Variants in LARGE1 observed in about 807,000 individuals in gnomAD.
LARGE1 encodes the protein LARGE xylosyl- and glucuronyltransferase 1, also known as xylosyl- and glucuronyltransferase LARGE1.
A neutral mutation model predicts 87.6 loss-of-function variants in LARGE1; 43 were observed. That is an observed-to-expected ratio of 0.49 (90% CI 0.38 to 0.63). LARGE1 has a LOEUF of 0.63. Ranked by LOEUF, LARGE1 falls within the 30% of genes least tolerant of loss-of-function variation. The pLI, the probability that LARGE1 is intolerant of heterozygous loss-of-function variation, is 0.00. For missense variants in LARGE1, 802 were observed against 1,000.2 expected, an observed-to-expected ratio of 0.80 and a Z score of 2.67; for synonymous variants, 434 against 394.6, an observed-to-expected ratio of 1.10 and a Z score of -1.18.
In LARGE1 at chr22:33,616,160, T is replaced by G. The variant is rs564208642; in HGVS notation, c.491+10084A>C. 2.0e-5 allele frequency among the ~76,000 whole-genome samples: 3 copies of G among 152,176 alleles called. No individual in the cohort carries two copies. The East Asian group carries it at 5.8e-4, about 29-fold the overall frequency. Reference sequence around the variant, plus strand: ...ATATCTATAAAAATATGAAAACAGATGTCAACACAAAAGCTTATACAGAAC... The same window carrying G: ...ATATCTATAAAAATATGAAAACAGAGGTCAACACAAAAGCTTATACAGAAC... On this transcript the variant is annotated intron_variant, in intron 4 of 14. Coordinates refer to ENST00000397394, the MANE Select transcript of LARGE1 (RefSeq NM_133642.5).
Position 33,761,422 on chromosome 22 carries a change from G to T in LARGE1, c.55C>A (p.Leu19Ile). Residue 19 changes from leucine (L) to isoleucine (I), a missense_variant, in exon 2 of 15, where the codon CTC (leucine) becomes ATC (isoleucine). Transcript: ENST00000397394. The part of the protein sequence containing the change: ...RKFLAASLSL[L>I]CIPAITWIYL... ...ATCCAGGTGATGGCTGGGATGCAGA[G>T]AAGACTCAACGAGGCAGCCAAGAAT... is the stretch of plus-strand genomic sequence containing the variant. 6.2e-7 allele frequency: 1 copy of T among 1,614,040 alleles called. No homozygotes were observed. The highest frequency in any genetic ancestry group is 1.3e-5 in the African/African-American group (1 of 74,986).
At chr22:33,470,184 C>T (rs1190381617) in intron 6 of LARGE1, among the ~76,000 whole-genome samples, 1 of 152,128 alleles carries the variant, frequency 6.6e-6, no homozygotes, top group Non-Finnish European at 1.5e-5. Flanking sequence ...GCCACTGGGC[C>T]TGGCCTACTA....
At chr22:33,551,914 A>C (rs2077532053) in intron 6 of LARGE1, among the ~76,000 whole-genome samples, 1 of 149,458 alleles carries the variant, frequency 6.7e-6, no homozygotes, top group African/African-American at 2.5e-5. Context: ...GAATGGTGTG[A>C]ACCCGGGAGG....
At chr22:33,762,241 A>AAAAG (rs1491136215) in intron 1 of LARGE1, among the ~76,000 whole-genome samples, 2 of 133,270 alleles carry the variant, frequency 1.5e-5, no homozygotes, top group Non-Finnish European at 3.2e-5. Flanking sequence ...AAAAAAAAAA[A>AAAAG]GACTAGACCA....
chr22:33,446,472 C>T (rs1006687331), intron 6 of LARGE1, among the ~76,000 whole-genome samples: 1 of 152,178 alleles, frequency 6.6e-6, no homozygotes, highest in Non-Finnish European at 1.5e-5. Context: ...CTCTTAAGCC[C>T]GTGCAGCCTG....
intron 9 of LARGE1, among the ~76,000 whole-genome samples, chr22:33,354,719 T>C (rs1486549069): frequency 6.6e-6 from 1 of 152,256 alleles, no homozygotes; most frequent in Admixed American, 6.5e-5. Flanking sequence ...GTATAAAATG[T>C]ATTCAGCCAG....
chr22:33,399,556 G>C (rs771705525), intron 7 of LARGE1, among the ~76,000 whole-genome samples: 1 of 152,142 alleles, frequency 6.6e-6, no homozygotes, highest in Non-Finnish European at 1.5e-5. Flanking sequence ...ATTCTTCAAG[G>C]ATCTAGAACC....
intron 2 of LARGE1, among the ~76,000 whole-genome samples, chr22:33,669,319 C>G (rs1019198399): frequency 6.6e-6 from 1 of 152,184 alleles, no homozygotes; most frequent in African/African-American, 2.4e-5. Flanking sequence ...AGTGGAGATG[C>G]ACAGGACTTC....
At chr22:33,215,296 G>A (rs1925150723) in intron 11 of LARGE1, among the ~76,000 whole-genome samples, 1 of 152,106 alleles carries the variant, frequency 6.6e-6, no homozygotes, top group Admixed American at 6.6e-5. Context: ...ACTTGCACCA[G>A]AGGTCTAGTT....
chr22:33,820,076 T>C (rs62227781), intron 1 of LARGE1, among the ~76,000 whole-genome samples: 10,911 of 151,842 alleles, frequency 0.072, 512 homozygotes, highest in Admixed American at 0.11. Context: ...TCACCCCACA[T>C]AGTTACTCAT....
At chr22:33,183,632 A>ACACACGCACG (rs539192067) in intron 11 of LARGE1, among the ~76,000 whole-genome samples, 1 of 124,902 alleles carries the variant, frequency 8.0e-6, no homozygotes, top group Non-Finnish European at 1.9e-5. Context: ...ACACACACAC[A>ACACACGCACG]CACACACACA....
chr22:33,621,723 C>G (rs117916842), intron 4 of LARGE1, among the ~76,000 whole-genome samples: 4 of 152,168 alleles, frequency 2.6e-5, no homozygotes, highest in Non-Finnish European at 5.9e-5. Context: ...TGTCTTGTAT[C>G]TCAACTCATC....
intron 5 of LARGE1, among the ~76,000 whole-genome samples, chr22:33,595,766 C>T (rs558679600): frequency 6.6e-6 from 1 of 152,258 alleles, no homozygotes; most frequent in African/African-American, 2.4e-5. Flanking sequence ...TCTGGCCATG[C>T]CCATGCCAAA....
At chr22:33,159,995 T>G (rs187038205), downstream of LARGE1, among the ~76,000 whole-genome samples, 1,333 of 152,054 alleles carry the variant, frequency 8.8e-3, 19 homozygotes, top group African/African-American at 0.03. Flanking sequence ...ACTTAGCATT[T>G]GCATAAAAGA....
At chr22:33,764,196 T>C (rs562127554) in intron 1 of LARGE1, among the ~76,000 whole-genome samples, 92 of 152,026 alleles carry the variant, frequency 6.1e-4, no homozygotes, top group Non-Finnish European at 9.9e-4. Context: ...CCCCACAGGA[T>C]TGGGTAGAAA....
chr22:33,536,511 C>A (rs2077048662), intron 6 of LARGE1, among the ~76,000 whole-genome samples: 1 of 152,242 alleles, frequency 6.6e-6, no homozygotes. Context: ...GCACTTTCCA[C>A]TCCACACTTG....
chr22:33,770,917 T>C (rs1399584716), intron 1 of LARGE1, among the ~76,000 whole-genome samples: 4 of 152,108 alleles, frequency 2.6e-5, no homozygotes, highest in Admixed American at 2.0e-4. Context: ...CTCCACTTAC[T>C]TCCATGATGA....
chr22:33,558,091 G>A (rs556708118), intron 6 of LARGE1, among the ~76,000 whole-genome samples: 6 of 152,056 alleles, frequency 3.9e-5, no homozygotes, highest in African/African-American at 7.2e-5. Flanking sequence ...TTTCTTCCCC[G>A]GGGCAAAACA....
intron 9 of LARGE1, among the ~76,000 whole-genome samples, chr22:33,347,221 G>C (rs1939866780): frequency 6.6e-6 from 1 of 152,198 alleles, no homozygotes; most frequent in African/African-American, 2.4e-5. Flanking sequence ...GCTCTTGCAG[G>C]TAGCTCTATT....
Sources: gnomAD v4.1 joint callset for allele counts (sites outside exome capture counted in the v4.1 genomes callset) on GRCh38, gnomAD v4.1.1 for gene constraint, MANE v1.5 for transcripts, NCBI Gene and HGNC (gene_info 2026-07-23, HGNC 2026-07-21) for gene names.